SYTL2: variants seen among roughly 807,000 people sequenced by gnomAD.
SYTL2 encodes synaptotagmin-like protein 2.
A neutral mutation model predicts 198.7 loss-of-function variants in SYTL2; 165 were observed. That is an observed-to-expected ratio of 0.83 (90% CI 0.73 to 0.94). The LOEUF is 0.94. SYTL2 is among the 40% of genes least tolerant of loss of function. The probability of loss-of-function intolerance (pLI) is 0.00; values close to 1 mark genes in which losing one functional copy is unlikely to be tolerated. For synonymous variants in SYTL2, 966 were observed against 917.7 expected (o/e 1.05, Z -0.95); for missense variants, 2,835 against 2,582.8 (o/e 1.10, Z -2.12).
the SYTL2 span, among the ~76,000 whole-genome samples, chr11:85,831,497 T>TA: frequency 5.9e-5 from 9 of 151,678 alleles, no homozygotes; most frequent in East Asian, 3.9e-4. Context: ...TCCTTTTGGT[T>TA]AAAAAAAAAT....
chr11:85,853,852 G>A, the SYTL2 span: 1 of 149,840 alleles, frequency 6.7e-6, no homozygotes, highest in Non-Finnish European at 1.5e-5. Context: ...ACATATCCAG[G>A]TACATACTCT....
At chr11:85,723,725 C>A (rs536228420) in intron 8 of SYTL2, among the ~76,000 whole-genome samples, 1 of 152,100 alleles carries the variant, frequency 6.6e-6, no homozygotes, top group African/African-American at 2.4e-5. Flanking sequence ...CTGAAACAGC[C>A]TTATAGGAAA....
At chr11:85,758,613 C>G (rs2091985219) in intron 1 of SYTL2, among the ~76,000 whole-genome samples, 1 of 152,160 alleles carries the variant, frequency 6.6e-6, no homozygotes, top group Non-Finnish European at 1.5e-5. Flanking sequence ...TATTCTTCAT[C>G]CAGTCTCACT....
intron 1 of SYTL2, among the ~76,000 whole-genome samples, chr11:85,784,103 C>A (rs2092602268): frequency 6.6e-6 from 1 of 152,196 alleles, no homozygotes; most frequent in Admixed American, 6.5e-5. Context: ...GTCCTGAAAT[C>A]AACCTTCACA....
chr11:85,836,328 A>G, the SYTL2 span, among the ~76,000 whole-genome samples: 4 of 151,692 alleles, frequency 2.6e-5, no homozygotes, highest in African/African-American at 7.3e-5. Context: ...TTGGATTTAC[A>G]CCACACCCCA....
At chr11:85,805,746 C>T (rs1380438495) in intron 1 of SYTL2, among the ~76,000 whole-genome samples, 2 of 152,228 alleles carry the variant, frequency 1.3e-5, no homozygotes, top group East Asian at 3.8e-4. Flanking sequence ...ACTCAGAAAT[C>T]AACTGATACC....
chr11:85,779,823 G>A (rs991367493), intron 1 of SYTL2, among the ~76,000 whole-genome samples: 4 of 152,148 alleles, frequency 2.6e-5, no homozygotes, highest in Non-Finnish European at 5.9e-5. Flanking sequence ...AGACTTGTTA[G>A]GTACATCTCA....
chr11:85,798,725 A>C (rs1361918914), intron 1 of SYTL2, among the ~76,000 whole-genome samples: 2 of 152,214 alleles, frequency 1.3e-5, no homozygotes, highest in African/African-American at 4.8e-5. Flanking sequence ...CTGGACACAC[A>C]AGTTGTGACA....
At chr11:85,844,256 G>C in the SYTL2 span, among the ~76,000 whole-genome samples, 3 of 152,156 alleles carry the variant, frequency 2.0e-5, no homozygotes, top group Non-Finnish European at 2.9e-5. Flanking sequence ...CTGGCAGTGG[G>C]TGTTCTTAGC....
chr11:85,781,117 TA>T (rs1309587957), intron 1 of SYTL2, among the ~76,000 whole-genome samples: 1 of 152,132 alleles, frequency 6.6e-6, no homozygotes, highest in African/African-American at 2.4e-5. Flanking sequence ...GGGTAATTTA[TA>T]AAGGAAAGAG....
At chr11:85,795,750 T>C (rs182508223) in intron 1 of SYTL2, among the ~76,000 whole-genome samples, 1 of 152,336 alleles carries the variant, frequency 6.6e-6, no homozygotes, top group East Asian at 1.9e-4. Context: ...GATGAGTTTT[T>C]GCCAAATATC....
At position 85,727,480 on chromosome 11, in the gene SYTL2, T is replaced by A. The variant is rs1235512841; in HGVS notation, c.1878A>T (p.Glu626Asp). 2.6e-6 allele frequency: 4 copies of A among 1,536,098 alleles called. No individual in the cohort carries two copies. Among genetic ancestry groups the A allele is most frequent in the Non-Finnish European group, 3.5e-6 (4 of 1,146,884 alleles). ...CAAATGGTTGCAATATACCTGGGCC[T>A]TCCTTTGGGGTGCCTTTTTGGGACA... ...MNLSQKGTPK[E>D]GPGILQPFES... The change falls in exon 8 of 20, where the codon GAA becomes GAT. Residue 626 changes from glutamate to aspartate, a missense_variant. Physicochemically the swap from Glu to Asp is conservative, Grantham distance 45 (BLOSUM62 2). Transcript: ENST00000359152.
At chr11:85,762,675 C>T (rs901272704) in intron 1 of SYTL2, among the ~76,000 whole-genome samples, 2 of 152,206 alleles carry the variant, frequency 1.3e-5, no homozygotes, top group Non-Finnish European at 2.9e-5. Flanking sequence ...CGTCCTGGAA[C>T]AGCATTTCCC....
chr11:85,728,121 T>C (rs776751984), intron 7 of SYTL2, 154 bp from the exon 8 acceptor site: 2 of 653,964 alleles, frequency 3.1e-6, no homozygotes, highest in Non-Finnish European at 5.0e-6. Context: ...AAAATGTAAG[T>C]TGTCCTAATT....
chr11:85,811,940 GAAAAGAA>G (rs2093039162), upstream of SYTL2, among the ~76,000 whole-genome samples: 1 of 151,996 alleles, frequency 6.6e-6, no homozygotes, highest in Non-Finnish European at 1.5e-5. Flanking sequence ...GTTCTAATTA[GAAAAGAA>G]AAAAGAAAAA....
chr11:85,845,282 T>C, the SYTL2 span, among the ~76,000 whole-genome samples: 1 of 152,216 alleles, frequency 6.6e-6, no homozygotes, highest in Admixed American at 6.5e-5. Context: ...AGAGATAGAA[T>C]CTGTCCAACA....
chr11:85,823,216 A>G, the SYTL2 span, among the ~76,000 whole-genome samples: 4 of 152,276 alleles, frequency 2.6e-5, no homozygotes, highest in East Asian at 7.7e-4. Context: ...AGTTTCTGAC[A>G]CATAGTAGGC....
At chr11:85,730,588 G>A (rs746759782) in intron 7 of SYTL2, among the ~76,000 whole-genome samples, 2 of 152,036 alleles carry the variant, frequency 1.3e-5, no homozygotes, top group African/African-American at 2.4e-5. Context: ...TTGATGGAAC[G>A]TATCTCAAAA....
rs754255922 is a variant in SYTL2 at position 85,734,349 on chromosome 11, A to G, written c.980T>C (p.Leu327Pro). The G allele has an allele frequency of 1.2e-6, 2 of 1,614,194 alleles. No homozygotes were observed. The highest frequency in any genetic ancestry group is 1.7e-6 in the Non-Finnish European group (2 of 1,180,024). Residue 327 changes from leucine (L) to proline (P), a missense_variant, in exon 7 of 20, where the codon CTG (leucine) becomes CCG (proline). By Grantham distance (98) the Leu-to-Pro change is moderately conservative. This residue lies in a region of SYTL2 where 2,645 missense variants were observed against 2,381.7 expected (regional missense o/e 1.11). Transcript: ENST00000359152. ...GAATCTCACATGCTTTAATGGCTCC[A>G]GGGAGTTTGGGGAAGAGTTGTCTTC... ...SLEDNSSPNS[L>P]EPLKHVRFSA...
Sources: gnomAD v4.1 joint callset for allele counts (sites outside exome capture counted in the v4.1 genomes callset) on GRCh38, gnomAD v4.1.1 for gene constraint, gnomAD v4.1.1 regional missense constraint, MANE v1.5 for transcripts, NCBI Gene and HGNC (gene_info 2026-07-23, HGNC 2026-07-21) for gene names.